The following AGBL4 variants were observed in gnomAD, a reference collection of about 807,000 sequenced individuals.
AGBL4 encodes the protein cytosolic carboxypeptidase 6.
In AGBL4, 58 loss-of-function variants were observed where a neutral mutation model predicts 66.4. The observed-to-expected ratio is 0.87, with a 90% CI of 0.71 to 1.09. AGBL4 has a LOEUF of 1.09. Among genes scored for constraint, AGBL4 ranks in the 50% least tolerant of loss-of-function variants. The pLI is 0.00. For missense variants in AGBL4, 579 were observed against 631.0 expected (o/e 0.92, Z 0.88); for synonymous variants, 234 against 222.9 (o/e 1.05, Z -0.44).
At chr1:48,895,301 A>G (rs563818986) in intron 5 of AGBL4, among the ~76,000 whole-genome samples, 120 of 152,338 alleles carry the variant, frequency 7.9e-4, no homozygotes, top group South Asian at 1.7e-3. Context: ...GGCATGGGCC[A>G]GCCAGTGGTC....
At chr1:49,665,187 A>G (rs928772278) in intron 3 of AGBL4, among the ~76,000 whole-genome samples, 1 of 152,146 alleles carries the variant, frequency 6.6e-6, no homozygotes, top group African/African-American at 2.4e-5. Flanking sequence ...TCCAGCAGTT[A>G]CCCTTACTTC....
chr1:48,616,038 A>T (rs928348861), intron 9 of AGBL4, among the ~76,000 whole-genome samples: 1 of 152,080 alleles, frequency 6.6e-6, no homozygotes, highest in African/African-American at 2.4e-5. Flanking sequence ...TCATGATCTG[A>T]TCACCTCCTA....
At position 49,174,732 on chromosome 1, in the gene AGBL4, T is replaced by C. The variant is rs147190465; in HGVS notation, c.377+71038A>G. On this transcript the variant is annotated intron_variant, in intron 4 of 13. Transcript: ENST00000371839. ...ATTAGAAAGTCCACTGATATGCAGA[T>C]ACATGTAATATTTTCTTTATCAGCA... The C allele has an allele frequency of 1.6e-3, 239 of 152,242 alleles. 4 individuals carry two copies. The highest frequency in any genetic ancestry group is 5.6e-3 in the African/African-American group (232 of 41,558). 9.4% of individuals were successfully genotyped at this position (152,242 alleles called of 1,614,324 possible).
chr1:49,747,628 T>G (rs572333178), intron 2 of AGBL4, among the ~76,000 whole-genome samples: 1 of 152,276 alleles, frequency 6.6e-6, no homozygotes, highest in African/African-American at 2.4e-5. Flanking sequence ...TCAGAGATCT[T>G]CTAAAATTTT....
chr1:49,940,866 T>C (rs575930939), intron 1 of AGBL4, among the ~76,000 whole-genome samples: 3 of 151,920 alleles, frequency 2.0e-5, no homozygotes, highest in South Asian at 4.2e-4. Context: ...ATAAAAAAAA[T>C]AGAAAAGATT....
chr1:49,155,107 C>G (rs764980683), intron 4 of AGBL4, among the ~76,000 whole-genome samples: 1 of 152,112 alleles, frequency 6.6e-6, no homozygotes, highest in Non-Finnish European at 1.5e-5. Flanking sequence ...TTAGAGTTAG[C>G]ACTTATAACC....
intron 6 of AGBL4, among the ~76,000 whole-genome samples, chr1:48,685,242 A>G (rs900841051): frequency 9.9e-5 from 15 of 152,244 alleles, no homozygotes; most frequent in Admixed American, 4.6e-4. Context: ...AAGTATTGGA[A>G]ACTAACTTTT....
intron 9 of AGBL4, among the ~76,000 whole-genome samples, chr1:48,618,235 G>A (rs1645351982): frequency 6.6e-6 from 1 of 152,184 alleles, no homozygotes; most frequent in Admixed American, 6.5e-5. Context: ...AATAATCCCT[G>A]TCTCACAACG....
At chr1:48,619,097 C>T (rs142528359) in intron 9 of AGBL4, among the ~76,000 whole-genome samples, 115 of 152,306 alleles carry the variant, frequency 7.6e-4, no homozygotes, top group African/African-American at 2.7e-3. Context: ...GCACTAGGGT[C>T]GTGGGCCTTG....
intron 6 of AGBL4, chr1:48,776,492 G>C: frequency 2.6e-6 from 2 of 769,344 alleles, no homozygotes; most frequent in Non-Finnish European, 3.8e-6. Flanking sequence ...GGAGAAGGAG[G>C]CAGGAAGGAG....
intron 2 of AGBL4, among the ~76,000 whole-genome samples, chr1:49,720,204 A>C (rs1648493679): frequency 6.6e-6 from 1 of 152,140 alleles, no homozygotes; most frequent in Non-Finnish European, 1.5e-5. Flanking sequence ...AATCCAAAAA[A>C]TGCTCACAAA....
At chr1:49,417,244 A>G (rs1057145721) in intron 3 of AGBL4, among the ~76,000 whole-genome samples, 2 of 152,238 alleles carry the variant, frequency 1.3e-5, no homozygotes, top group Admixed American at 1.3e-4. Context: ...TTTCAAAGCT[A>G]AAGGAGGTTA....
In AGBL4 at chr1:48,802,975, T is replaced by G. The variant is rs1187392842; in HGVS notation, c.634+64216A>C. On this transcript the variant is annotated intron_variant, in intron 6 of 13. Coordinates refer to ENST00000371839, the MANE Select transcript of AGBL4 (RefSeq NM_032785.4). Reference sequence around the variant, plus strand: ...CTAACCTGATCCACCCCAGGAACAGTGAAGGCTCCAGACTCTCAGTACCAA... The same window carrying G: ...CTAACCTGATCCACCCCAGGAACAGGGAAGGCTCCAGACTCTCAGTACCAA... Among the ~76,000 whole-genome samples, 5 of 152,146 alleles carry G rather than the reference T, an allele frequency of 3.3e-5. No individual in the cohort carries two copies. The East Asian group carries it at 9.6e-4, about 29-fold the overall frequency.
At chr1:49,548,678 T>C (rs1025900833) in intron 3 of AGBL4, among the ~76,000 whole-genome samples, 3 of 152,208 alleles carry the variant, frequency 2.0e-5, no homozygotes, top group African/African-American at 4.8e-5. Context: ...TTTGATTAGC[T>C]AGTATTTTGT....
intron 3 of AGBL4, among the ~76,000 whole-genome samples, chr1:49,265,380 C>G (rs1643895339): frequency 1.3e-5 from 2 of 152,136 alleles, no homozygotes; most frequent in South Asian, 4.1e-4. Context: ...ATCAATCTGC[C>G]TTGGTGTCAT....
At chr1:49,862,540 G>A (rs1373494997) in intron 1 of AGBL4, among the ~76,000 whole-genome samples, 2 of 152,028 alleles carry the variant, frequency 1.3e-5, no homozygotes, top group Non-Finnish European at 2.9e-5. Flanking sequence ...GCACAAAAAG[G>A]TTATGGAACA....
intron 2 of AGBL4, among the ~76,000 whole-genome samples, chr1:49,827,994 A>G (rs1290374818): frequency 1.3e-5 from 2 of 152,220 alleles, no homozygotes; most frequent in Non-Finnish European, 2.9e-5. Flanking sequence ...AAATCAAACA[A>G]GCTTCTAATT....
intron 5 of AGBL4, among the ~76,000 whole-genome samples, chr1:48,955,177 C>T (rs1426191798): frequency 6.6e-6 from 1 of 152,164 alleles, no homozygotes; most frequent in African/African-American, 2.4e-5. Flanking sequence ...AAATGTCCTC[C>T]TCCATGGCTC....
chr1:50,012,809 T>G (rs1239143589), intron 1 of AGBL4, among the ~76,000 whole-genome samples: 1 of 152,182 alleles, frequency 6.6e-6, no homozygotes. Context: ...ATTAGATATC[T>G]GAAGAAAATT....
Sources: gnomAD v4.1 joint callset for allele counts (sites outside exome capture counted in the v4.1 genomes callset) on GRCh38, gnomAD v4.1.1 for gene constraint, MANE v1.5 for transcripts, NCBI Gene and HGNC (gene_info 2026-07-23, HGNC 2026-07-21) for gene names.